UPF3B: variants seen among roughly 807,000 people sequenced by gnomAD.
UPF3B encodes regulator of nonsense transcripts 3B.
Under a neutral mutation model 40.3 loss-of-function variants are expected in UPF3B, and 7 were observed. The observed-to-expected ratio is 0.17, with a 90% CI of 0.10 to 0.33. The LOEUF (loss-of-function observed/expected upper bound fraction) is 0.33. UPF3B is among the 10% of genes least tolerant of loss of function. UPF3B has a pLI of 1.00. For missense variants in UPF3B, 229 were observed against 358.9 expected, an observed-to-expected ratio of 0.64 and a Z score of 2.93; for synonymous variants, 117 against 117.3, an observed-to-expected ratio of 1.00 and a Z score of 0.01.
Position 119,834,773 on chromosome X carries a change from G to C in UPF3B, c.*105C>G. The C allele has an allele frequency of 1.7e-6, 2 of 1,205,631 alleles. No individual in the cohort carries two copies. The highest frequency in any genetic ancestry group is 1.1e-6 in the Non-Finnish European group (1 of 894,686). On this transcript the variant is annotated 3_prime_UTR_variant, in exon 11 of 11. Coordinates refer to ENST00000276201, the MANE Select transcript of UPF3B (RefSeq NM_080632.3). ...CTGCAGTGTACCCCACCAGCACAGC[G>C]GCTCCCTTTCTCTCTATTCTTTGCC... is the stretch of plus-strand genomic sequence containing the variant.
At chrX:119,835,841 G>A (rs995131642) in intron 10 of UPF3B, among the ~76,000 whole-genome samples, 10 of 111,099 alleles carry the variant, frequency 9.0e-5, no homozygotes, top group Admixed American at 3.8e-4. Context: ...GCTGGGCATG[G>A]TGATGCATGC....
chrX:119,838,633 A>G (rs763521836), intron 8 of UPF3B, 106 bp from the exon 9 acceptor site: 1 of 783,556 alleles, frequency 1.3e-6, no homozygotes. Flanking sequence ...AAAGCCCCCT[A>G]TCTCTGCAGG....
intron 3 of UPF3B, among the ~76,000 whole-genome samples, chrX:119,825,381 G>C: frequency 9.0e-6 from 1 of 111,156 alleles, no homozygotes; most frequent in Non-Finnish European, 1.9e-5. Flanking sequence ...AGACACATGA[G>C]GATTACAATT....
chrX:119,826,371 C>T (rs1483043088), intron 3 of UPF3B, among the ~76,000 whole-genome samples: 1 of 107,435 alleles, frequency 9.3e-6, no homozygotes, highest in African/African-American at 3.4e-5. Flanking sequence ...ATCCCAGGTA[C>T]TAGGGGAGGC....
intron 3 of UPF3B, among the ~76,000 whole-genome samples, chrX:119,825,752 T>C (rs979552540): frequency 1.8e-5 from 2 of 112,002 alleles, no homozygotes; most frequent in African/African-American, 6.5e-5. Context: ...AAATCAGCAG[T>C]TTACAAATGG....
downstream of UPF3B, among the ~76,000 whole-genome samples, chrX:119,829,312 C>T (rs1308150574): frequency 1.8e-5 from 2 of 112,502 alleles, no homozygotes; most frequent in Non-Finnish European, 3.8e-5. Flanking sequence ...AGCCACCCTG[C>T]CTGGTGATTC....
At chrX:119,833,539 C>T (rs1484763200), downstream of UPF3B, among the ~76,000 whole-genome samples, 1 of 111,107 alleles carries the variant, frequency 9.0e-6, no homozygotes, top group African/African-American at 3.3e-5. Flanking sequence ...TGGGGTCTTG[C>T]TCTGTTGCCC....
intron 4 of UPF3B, among the ~76,000 whole-genome samples, chrX:119,820,815 C>T (rs910372168): frequency 2.7e-5 from 3 of 111,270 alleles, no homozygotes; most frequent in African/African-American, 9.8e-5. Context: ...GTGGCTCATG[C>T]GTATAATCCC....
At chrX:119,848,022 T>C (rs2056255866) in intron 3 of UPF3B, among the ~76,000 whole-genome samples, 3 of 109,433 alleles carry the variant, frequency 2.7e-5, no homozygotes, top group African/African-American at 1.0e-4. Flanking sequence ...CTCATGCCTG[T>C]AATTCCTAGC....
At chrX:119,841,627 GA>G (rs2056162374) in intron 6 of UPF3B, 107 bp downstream of exon 6, 1 of 799,549 alleles carries the variant, frequency 1.3e-6, no homozygotes, top group Admixed American at 2.4e-5. Flanking sequence ...AGTAATGGTG[GA>G]AAAAGCAGCT....
At position 119,835,001 on chromosome X, in the gene UPF3B, T is replaced by C. The variant is rs759151305; in HGVS notation, c.1329A>G (p.Gln443=). 5.8e-6 allele frequency: 7 copies of C among 1,203,904 alleles called. No individual in the cohort carries two copies. The African/African-American group carries it at 8.8e-5, about 15-fold the overall frequency. ...NKDRPAMQLY[Q]PGARSRNRLC... is the part of the protein sequence containing the mutation. ...GTCGATTTCGGCTTCGAGCTCCTGG[T>C]TGGTAAAGCTGCATCGCTGGACGAT... Residue 443 remains glutamine, a synonymous_variant, in exon 11 of 11, where the codon CAA becomes CAG. Coordinates refer to ENST00000276201, the MANE Select transcript of UPF3B (RefSeq NM_080632.3).
At chrX:119,826,273 G>C (rs1340835043) in intron 3 of UPF3B, among the ~76,000 whole-genome samples, 2 of 111,068 alleles carry the variant, frequency 1.8e-5, no homozygotes, top group Admixed American at 1.9e-4. Context: ...CTGAGGTCAG[G>C]AGTTTGAGAC....
At chrX:119,829,725 G>C (rs1048101544), downstream of UPF3B, among the ~76,000 whole-genome samples, 1 of 111,700 alleles carries the variant, frequency 9.0e-6, no homozygotes, top group Non-Finnish European at 1.9e-5. Flanking sequence ...CCCTAGGTCT[G>C]CTTCTGTTCT....
At chrX:119,844,639 T>C (rs1301871282) in intron 4 of UPF3B, among the ~76,000 whole-genome samples, 1 of 110,628 alleles carries the variant, frequency 9.0e-6, no homozygotes, top group Non-Finnish European at 1.9e-5. Context: ...GTTTCGCTCT[T>C]GTTGCCCAGG....
At chrX:119,839,702 G>A (rs539556095) in intron 8 of UPF3B, among the ~76,000 whole-genome samples, 1 of 111,948 alleles carries the variant, frequency 8.9e-6, no homozygotes. Flanking sequence ...ACTGCAAATG[G>A]TGAGTCCAAA....
chrX:119,837,696 C>G (rs747322271), intron 10 of UPF3B, 61 bp downstream of exon 10: 2 of 1,132,919 alleles, frequency 1.8e-6, no homozygotes, highest in Non-Finnish European at 2.4e-6. Flanking sequence ...TTTACACTTT[C>G]TTTACACTTG....
In UPF3B at chrX:119,845,371, T is replaced by A. The variant is rs192579605; in HGVS notation, c.371-75A>T. 1.3e-5 allele frequency: 11 copies of A among 854,308 alleles called. No individual in the cohort carries two copies. The Admixed American group carries it at 2.3e-4, about 18-fold the overall frequency. The allele number at this position is 854,308 out of a possible 1,213,427, so 70.4% of individuals were successfully genotyped here. Reference sequence around the variant, plus strand: ...AGTGGATATAAGGGAATCAACCCATTGCTTTCTATGACTCTTTTGATGGCA... The same window carrying A: ...AGTGGATATAAGGGAATCAACCCATAGCTTTCTATGACTCTTTTGATGGCA... On this transcript the variant is annotated intron_variant, in intron 3 of 10. Transcript: ENST00000276201.
Position 119,834,868 on chromosome X carries a change from T to C in UPF3B, c.*10A>G, listed in dbSNP as rs921696575. On this transcript the variant is annotated 3_prime_UTR_variant, in exon 11 of 11. Transcript: ENST00000276201. ...TAGACAGTCAGGACACCTAAGGCCA[T>C]CTGGACTTATCACTCCTCTCCTCCT... 3.6e-5 allele frequency: 43 copies of C among 1,209,044 alleles called. No homozygotes were observed. Among genetic ancestry groups the C allele is most frequent in the Non-Finnish European group, 4.5e-5 (40 of 895,243 alleles).
At chrX:119,819,847 T>C (rs1251861960) in intron 4 of UPF3B, among the ~76,000 whole-genome samples, 1 of 92,964 alleles carries the variant, frequency 1.1e-5, no homozygotes, top group African/African-American at 4.3e-5. Flanking sequence ...TTTTCCTTTT[T>C]TTTTTTTTTT....
Sources: allele counts gnomAD v4.1 joint callset (sites outside exome capture counted in the v4.1 genomes callset), GRCh38; gene constraint gnomAD v4.1.1; transcripts MANE v1.5; gene names NCBI Gene and HGNC (gene_info 2026-07-23, HGNC 2026-07-21).